Variants in EBF1 observed in about 807,000 individuals in gnomAD.
The protein encoded by EBF1 is transcription factor COE1.
A neutral mutation model predicts 68.4 loss-of-function variants in EBF1; 10 were observed. The ratio of observed to expected loss-of-function variants is 0.15; its 90% CI spans 0.09 to 0.25. The LOEUF is 0.25. EBF1 is among the 10% of genes least tolerant of loss of function. The pLI, the probability that EBF1 is intolerant of heterozygous loss-of-function variation, is 1.00. For missense variants in EBF1, 509 were observed against 794.4 expected (o/e 0.64, Z 4.32); for synonymous variants, 298 against 299.8 (o/e 0.99, Z 0.06).
intron 9 of EBF1, among the ~76,000 whole-genome samples, chr5:158,793,538 G>A (rs1190762599): frequency 6.6e-6 from 1 of 151,450 alleles, no homozygotes; most frequent in Non-Finnish European, 1.5e-5. Flanking sequence ...AAGATTGCAT[G>A]TGCTCTCTTA....
At chr5:158,932,514 AT>A (rs1463878299) in intron 6 of EBF1, among the ~76,000 whole-genome samples, 2 of 152,202 alleles carry the variant, frequency 1.3e-5, no homozygotes, top group Non-Finnish European at 2.9e-5. Context: ...GTGAAAGGCA[AT>A]TTTAATGTTT....
chr5:159,042,576 A>T (rs1294242165), intron 6 of EBF1, among the ~76,000 whole-genome samples: 1 of 135,692 alleles, frequency 7.4e-6, no homozygotes, highest in East Asian at 2.1e-4. Context: ...GGAAAAAAAA[A>T]ATTCTTTGCC....
At chr5:158,729,547 A>T (rs1763651144) in intron 11 of EBF1, among the ~76,000 whole-genome samples, 2 of 152,222 alleles carry the variant, frequency 1.3e-5, no homozygotes, top group South Asian at 4.1e-4. Context: ...CTTGCTAGAC[A>T]GAGGAACCTA....
chr5:158,972,626 T>C lies in EBF1; in HGVS notation c.554+100770A>G, dbSNP rs369380434. On this transcript the variant is annotated intron_variant, in intron 6 of 15. Coordinates refer to ENST00000313708, the MANE Select transcript of EBF1 (RefSeq NM_024007.5). ...TTAAGGCTTCTTGGCTTAACGCTAA[T>C]GACTAGGTGGATATCTTCTTCATTG... Among the ~76,000 whole-genome samples, 7 of 152,380 alleles carry C rather than the reference T, an allele frequency of 4.6e-5. No individual in the cohort carries two copies. The East Asian group carries it at 9.6e-4, about 21-fold the overall frequency.
intron 8 of EBF1, among the ~76,000 whole-genome samples, chr5:158,803,266 G>A (rs1780943364): frequency 6.6e-6 from 1 of 151,742 alleles, no homozygotes; most frequent in African/African-American, 2.4e-5. Flanking sequence ...GAAACGGAGA[G>A]ACTATTGAGG....
chr5:159,069,585 A>C (rs1440156385), intron 6 of EBF1, among the ~76,000 whole-genome samples: 1 of 152,182 alleles, frequency 6.6e-6, no homozygotes, highest in Non-Finnish European at 1.5e-5. Context: ...AACAGTCTGC[A>C]TACTTAATAT....
intron 6 of EBF1, among the ~76,000 whole-genome samples, chr5:158,923,578 A>G (rs942475312): frequency 2.6e-5 from 4 of 152,210 alleles, no homozygotes; most frequent in Non-Finnish European, 4.4e-5. Flanking sequence ...GCAAAGAATG[A>G]AAGTGCTGGG....
intron 6 of EBF1, among the ~76,000 whole-genome samples, chr5:158,951,628 GAAATATATTCTCA>G (rs1399183672): frequency 6.6e-6 from 1 of 152,162 alleles, no homozygotes; most frequent in Non-Finnish European, 1.5e-5. Flanking sequence ...CCTAGTGCAT[GAAATATATTCTCA>G]ACCACAAGGA....
chr5:159,084,586 A>T, intron 5 of EBF1, 80 bp downstream of exon 5: 3 of 1,242,158 alleles, frequency 2.4e-6, no homozygotes, highest in Non-Finnish European at 3.2e-6. Flanking sequence ...AAAAAAAAAA[A>T]GACCAAAGTT....
At chr5:158,899,975 AC>A in intron 6 of EBF1, among the ~76,000 whole-genome samples, 1 of 152,222 alleles carries the variant, frequency 6.6e-6, no homozygotes, top group African/African-American at 2.4e-5. Context: ...GCATCATCGA[AC>A]CCAGATGACA....
chr5:158,877,811 C>T (rs963947768), intron 6 of EBF1, among the ~76,000 whole-genome samples: 2 of 151,992 alleles, frequency 1.3e-5, no homozygotes. Flanking sequence ...TCCATGGCTT[C>T]CTTTTCCAAT....
intron 6 of EBF1, among the ~76,000 whole-genome samples, chr5:158,855,508 C>G (rs1441010948): frequency 6.6e-6 from 1 of 152,190 alleles, no homozygotes; most frequent in Non-Finnish European, 1.5e-5. Flanking sequence ...ATGCCAAGCT[C>G]TTCCCCACCC....
chr5:158,715,894 G>A (rs1022694586), intron 11 of EBF1, among the ~76,000 whole-genome samples: 1 of 152,252 alleles, frequency 6.6e-6, no homozygotes, highest in Admixed American at 6.5e-5. Context: ...ACTAAGATTA[G>A]ACTTCTCTAG....
At chr5:158,908,586 T>C (rs1390854849) in intron 6 of EBF1, among the ~76,000 whole-genome samples, 1 of 152,222 alleles carries the variant, frequency 6.6e-6, no homozygotes, top group Non-Finnish European at 1.5e-5. Flanking sequence ...CAATGCATCA[T>C]GTATTCTGAT....
intron 6 of EBF1, among the ~76,000 whole-genome samples, chr5:158,934,231 T>C (rs925300511): frequency 2.0e-5 from 3 of 152,208 alleles, no homozygotes; most frequent in Non-Finnish European, 4.4e-5. Flanking sequence ...ATGTGTCATT[T>C]ATATGCATAT....
intron 6 of EBF1, among the ~76,000 whole-genome samples, chr5:158,898,725 T>C (rs576482432): frequency 2.6e-5 from 4 of 152,364 alleles, no homozygotes; most frequent in Non-Finnish European, 5.9e-5. Context: ...TTATCTTTTT[T>C]GTCTCTCAGG....
At chr5:158,709,532 G>A (rs188601053) in intron 14 of EBF1, among the ~76,000 whole-genome samples, 61 of 152,332 alleles carry the variant, frequency 4.0e-4, no homozygotes, top group Non-Finnish European at 7.6e-4. Context: ...AGTCAAAGGA[G>A]CTGTTTGGGT....
Position 158,830,320 on chromosome 5 carries a change from G to A in EBF1, c.637-7003C>T, listed in dbSNP as rs546713602. ...TGGAGTCTTGCTCTGTCACCAGGCCGGACTGCAGGGCGTAATCTCGGCTCA... is the reference window on the plus strand; with the variant it reads ...TGGAGTCTTGCTCTGTCACCAGGCCAGACTGCAGGGCGTAATCTCGGCTCA... On this transcript the variant is annotated intron_variant, in intron 7 of 15. Transcript: ENST00000313708. Among the ~76,000 whole-genome samples, 33 of 151,990 alleles carry A rather than the reference G, an allele frequency of 2.2e-4. No homozygotes were observed. In the South Asian group the frequency reaches 3.8e-3, roughly 17 times the overall value.
intron 6 of EBF1, among the ~76,000 whole-genome samples, chr5:158,895,640 A>G (rs1802027577): frequency 6.6e-6 from 1 of 152,146 alleles, no homozygotes; most frequent in Admixed American, 6.5e-5. Flanking sequence ...CCATCAATAA[A>G]CCAAATACTT....
Sources: allele counts gnomAD v4.1 joint callset (sites outside exome capture counted in the v4.1 genomes callset), GRCh38; gene constraint gnomAD v4.1.1; transcripts MANE v1.5; gene names NCBI Gene and HGNC (gene_info 2026-07-23, HGNC 2026-07-21).